Variants in EXOC6B observed in about 807,000 individuals in gnomAD.
EXOC6B encodes exocyst complex component 6B.
In EXOC6B, 54 loss-of-function variants were observed where a neutral mutation model predicts 113.5. That is an observed-to-expected ratio of 0.48 (90% CI 0.38 to 0.60). The LOEUF (loss-of-function observed/expected upper bound fraction) is 0.60, where lower values mean the gene tolerates loss of function less well. Among genes scored for constraint, EXOC6B ranks in the 20% least tolerant of loss-of-function variants. The pLI is 0.00. For synonymous variants in EXOC6B, 357 were observed against 339.0 expected, an observed-to-expected ratio of 1.05 and a Z score of -0.58; for missense variants, 797 against 977.5, an observed-to-expected ratio of 0.82 and a Z score of 2.46.
intron 6 of EXOC6B, among the ~76,000 whole-genome samples, chr2:72,605,992 T>C (rs930463519): frequency 4.6e-5 from 7 of 152,118 alleles, no homozygotes; most frequent in African/African-American, 1.2e-4. Flanking sequence ...TAAATGACTT[T>C]AGATAAAAAC....
chr2:72,435,669 T>C (rs2105313551), intron 18 of EXOC6B, among the ~76,000 whole-genome samples: 1 of 152,322 alleles, frequency 6.6e-6, no homozygotes, highest in Admixed American at 6.5e-5. Flanking sequence ...TTGATCTTTG[T>C]TGGTTTAAAT....
intron 17 of EXOC6B, among the ~76,000 whole-genome samples, chr2:72,466,632 G>T (rs1698073302): frequency 6.6e-6 from 1 of 151,892 alleles, no homozygotes; most frequent in African/African-American, 2.4e-5. Flanking sequence ...TTACTAATGT[G>T]AACAATGCTT....
At chr2:72,286,282 T>TAAA (rs1685410957) in intron 20 of EXOC6B, among the ~76,000 whole-genome samples, 1 of 152,114 alleles carries the variant, frequency 6.6e-6, no homozygotes, top group African/African-American at 2.4e-5. Context: ...ATGAATGTGG[T>TAAA]AAATCCAGAC....
intron 6 of EXOC6B, among the ~76,000 whole-genome samples, chr2:72,601,464 T>G (rs1312532944): frequency 6.6e-6 from 1 of 152,158 alleles, no homozygotes; most frequent in East Asian, 1.9e-4. Flanking sequence ...GGATTATATG[T>G]GTGAGCCACC....
intron 18 of EXOC6B, among the ~76,000 whole-genome samples, chr2:72,394,954 C>T (rs1389207009): frequency 1.3e-5 from 2 of 151,740 alleles, no homozygotes; most frequent in African/African-American, 2.4e-5. Context: ...GCCAGATCCC[C>T]AATCCAAGGA....
At chr2:72,440,941 G>C (rs2105329807) in intron 18 of EXOC6B, among the ~76,000 whole-genome samples, 1 of 152,148 alleles carries the variant, frequency 6.6e-6, no homozygotes, top group South Asian at 2.1e-4. Flanking sequence ...ACAAAGATGG[G>C]CATTACACAA....
At chr2:72,650,474 G>A (rs1009964355) in intron 6 of EXOC6B, among the ~76,000 whole-genome samples, 2 of 152,120 alleles carry the variant, frequency 1.3e-5, no homozygotes, top group Admixed American at 6.5e-5. Flanking sequence ...GGTGGCATAC[G>A]CCTATACTCC....
chr2:72,324,917 C>G (rs1237195298), intron 20 of EXOC6B, among the ~76,000 whole-genome samples: 1 of 152,074 alleles, frequency 6.6e-6, no homozygotes, highest in Non-Finnish European at 1.5e-5. Flanking sequence ...TAAAGAGACT[C>G]CAAACACAAC....
At chr2:72,758,073 G>C (rs2104885948) in intron 1 of EXOC6B, among the ~76,000 whole-genome samples, 1 of 151,104 alleles carries the variant, frequency 6.6e-6, no homozygotes, top group South Asian at 2.1e-4. Flanking sequence ...TGAGGAGGGA[G>C]GATCACTTGA....
At chr2:72,795,503 G>A (rs1443110587) in intron 1 of EXOC6B, among the ~76,000 whole-genome samples, 6 of 152,046 alleles carry the variant, frequency 3.9e-5, no homozygotes. Flanking sequence ...GTGAACCCGG[G>A]AGGCAGAGTT....
At chr2:72,727,043 G>A (rs966769330) in intron 5 of EXOC6B, among the ~76,000 whole-genome samples, 46 of 152,080 alleles carry the variant, frequency 3.0e-4, no homozygotes, top group African/African-American at 1.1e-3. Flanking sequence ...GGACTTAAGC[G>A]TCTACACCTA....
At chr2:72,508,728 C>A (rs548710649) in intron 11 of EXOC6B, among the ~76,000 whole-genome samples, 2 of 151,934 alleles carry the variant, frequency 1.3e-5, no homozygotes, top group African/African-American at 2.4e-5. Flanking sequence ...GAGCTGAGAT[C>A]GCACCATTGT....
At chr2:72,213,396 C>T (rs1643107456) in intron 20 of EXOC6B, among the ~76,000 whole-genome samples, 1 of 152,164 alleles carries the variant, frequency 6.6e-6, no homozygotes, top group African/African-American at 2.4e-5. Context: ...AAAAAATAAA[C>T]AGGTGGAAAT....
intron 16 of EXOC6B, among the ~76,000 whole-genome samples, chr2:72,489,915 C>A (rs569694815): frequency 6.6e-6 from 1 of 152,062 alleles, no homozygotes; most frequent in Non-Finnish European, 1.5e-5. Flanking sequence ...AAAGAAGAGA[C>A]TGTGTAACCC....
At chr2:72,558,489 G>C (rs1440873337) in intron 8 of EXOC6B, among the ~76,000 whole-genome samples, 1 of 152,170 alleles carries the variant, frequency 6.6e-6, no homozygotes, top group Admixed American at 6.5e-5. Context: ...AACAAAGAGA[G>C]ACCAGGCACG....
chr2:72,417,323 A>G (rs1694587898), intron 18 of EXOC6B, among the ~76,000 whole-genome samples: 1 of 152,026 alleles, frequency 6.6e-6, no homozygotes, highest in Non-Finnish European at 1.5e-5. Context: ...TAGAGCAGCT[A>G]ATTTTTGTAT....
intron 6 of EXOC6B, among the ~76,000 whole-genome samples, chr2:72,601,188 T>G (rs1670417288): frequency 1.3e-5 from 2 of 151,220 alleles, no homozygotes; most frequent in African/African-American, 4.9e-5. Context: ...ATATCTTTTT[T>G]TCTTTTTTTC....
intron 8 of EXOC6B, among the ~76,000 whole-genome samples, chr2:72,535,445 T>C (rs1183160457): frequency 6.6e-6 from 1 of 152,230 alleles, no homozygotes; most frequent in African/African-American, 2.4e-5. Flanking sequence ...CTCCATGCTG[T>C]AAGCACCAAA....
At chr2:72,553,299 C>T (rs1487012864) in intron 8 of EXOC6B, among the ~76,000 whole-genome samples, 1 of 152,024 alleles carries the variant, frequency 6.6e-6, no homozygotes, top group Non-Finnish European at 1.5e-5. Flanking sequence ...TGGGGGAAAG[C>T]TCAATTAAAT....
Sources: allele counts gnomAD v4.1 joint callset (sites outside exome capture counted in the v4.1 genomes callset), GRCh38; gene constraint gnomAD v4.1.1; transcripts MANE v1.5; gene names NCBI Gene and HGNC (gene_info 2026-07-23, HGNC 2026-07-21).